HMGCLL1: variants seen among roughly 807,000 people sequenced by gnomAD.
HMGCLL1 encodes 3-hydroxy-3-methylglutaryl-CoA lyase like 1.
In HMGCLL1, 36 loss-of-function variants were observed where a neutral mutation model predicts 39.1. The ratio of observed to expected loss-of-function variants is 0.92; its 90% CI spans 0.71 to 1.22. The LOEUF is 1.22. HMGCLL1 is among the 50% of genes most tolerant of loss of function. The pLI, the probability that HMGCLL1 is intolerant of heterozygous loss-of-function variation, is 0.00. For missense variants in HMGCLL1, 451 were observed against 416.5 expected (o/e 1.08, Z -0.72); for synonymous variants, 149 against 144.0 (o/e 1.03, Z -0.25).
the HMGCLL1 span, among the ~76,000 whole-genome samples, chr6:55,661,476 C>A: frequency 6.6e-6 from 1 of 151,790 alleles, no homozygotes; most frequent in Non-Finnish European, 1.5e-5. Flanking sequence ...TGAGTTCTTT[C>A]CCCAGTGCTT....
At chr6:55,497,472 G>T (rs947342019) in intron 6 of HMGCLL1, among the ~76,000 whole-genome samples, 3 of 152,090 alleles carry the variant, frequency 2.0e-5, no homozygotes, top group Non-Finnish European at 1.5e-5. Flanking sequence ...CCTATTTTAT[G>T]GCAGGTGCTG....
the HMGCLL1 span, among the ~76,000 whole-genome samples, chr6:55,604,259 A>T: frequency 6.6e-6 from 1 of 152,198 alleles, no homozygotes; most frequent in African/African-American, 2.4e-5. Context: ...ATTCATCAGA[A>T]AACAAATATT....
intron 1 of HMGCLL1, among the ~76,000 whole-genome samples, chr6:55,544,429 A>G (rs2127460253): frequency 6.6e-6 from 1 of 152,282 alleles, no homozygotes; most frequent in Middle Eastern, 3.4e-3. Context: ...GGTAACCCAT[A>G]TTCAAGTTCT....
In HMGCLL1 at chr6:55,476,912, A is replaced by G. The variant is rs532074316; in HGVS notation, c.795+18507T>C. Among the ~76,000 whole-genome samples, 229 of 149,938 alleles carry G rather than the reference A, an allele frequency of 1.5e-3. 5 individuals are homozygous for G. The highest frequency in any genetic ancestry group is 5.4e-3 in the African/African-American group (218 of 40,516). ...GTGGAACTCAGAATGACTGCATCTA[A>G]CATCACACGGGGCCTCTACAACAAC... On this transcript the variant is annotated intron_variant, in intron 7 of 8. Coordinates refer to ENST00000274901, the MANE Select transcript of HMGCLL1 (RefSeq NM_001042406.2).
chr6:55,655,554 A>AGATAGATAGAT, the HMGCLL1 span, among the ~76,000 whole-genome samples: 2 of 151,624 alleles, frequency 1.3e-5, no homozygotes, highest in African/African-American at 4.8e-5. Flanking sequence ...ATAGATAGAT[A>AGATAGATAGAT]GATAGATAGA....
intron 3 of HMGCLL1, among the ~76,000 whole-genome samples, chr6:55,521,073 G>A (rs1340858683): frequency 6.6e-6 from 1 of 152,052 alleles, no homozygotes; most frequent in Non-Finnish European, 1.5e-5. Flanking sequence ...TAATTAAACT[G>A]GGATAGTTCA....
chr6:55,650,030 G>A, the HMGCLL1 span, among the ~76,000 whole-genome samples: 1 of 123,778 alleles, frequency 8.1e-6, no homozygotes, highest in Non-Finnish European at 1.7e-5. Context: ...CCTCAAAGCA[G>A]CTATTTTGAA....
At chr6:55,586,619 C>T in the HMGCLL1 span, among the ~76,000 whole-genome samples, 1,493 of 151,256 alleles carry the variant, frequency 9.9e-3, 24 homozygotes, top group African/African-American at 0.034. Flanking sequence ...TGTTCAATTC[C>T]CACCTATGAG....
At chr6:55,462,958 T>C (rs1764639808) in intron 7 of HMGCLL1, among the ~76,000 whole-genome samples, 1 of 151,934 alleles carries the variant, frequency 6.6e-6, no homozygotes, top group Non-Finnish European at 1.5e-5. Context: ...TGGAACAATA[T>C]GTAGGGTCAA....
intron 5 of HMGCLL1, among the ~76,000 whole-genome samples, chr6:55,510,597 C>T (rs1372276176): frequency 7.9e-6 from 1 of 125,808 alleles, no homozygotes; most frequent in Non-Finnish European, 1.6e-5. Context: ...ACAATGAGAA[C>T]ACATGGACAC....
intron 1 of HMGCLL1, among the ~76,000 whole-genome samples, chr6:55,543,187 T>TG (rs1769623338): frequency 7.9e-5 from 1 of 12,722 alleles, no homozygotes; most frequent in Non-Finnish European, 1.7e-4. Flanking sequence ...ATATAATATA[T>TG]AATATATTAT....
chr6:55,446,876 G>A (rs1347518872), intron 7 of HMGCLL1, among the ~76,000 whole-genome samples: 1 of 151,680 alleles, frequency 6.6e-6, no homozygotes, highest in Non-Finnish European at 1.5e-5. Context: ...ATTAGATCTG[G>A]ATTATTATTT....
the HMGCLL1 span, among the ~76,000 whole-genome samples, chr6:55,644,439 T>G: frequency 6.6e-6 from 1 of 152,018 alleles, no homozygotes; most frequent in East Asian, 1.9e-4. Flanking sequence ...TGATTGCCTG[T>G]GCTTGTGGGT....
chr6:55,461,265 T>A (rs778350977), intron 7 of HMGCLL1, among the ~76,000 whole-genome samples: 3 of 151,874 alleles, frequency 2.0e-5, no homozygotes, highest in Admixed American at 6.6e-5. Flanking sequence ...AAAGAAGAAA[T>A]ATGTGGAACC....
chr6:55,509,687 T>A (rs1378069858), intron 5 of HMGCLL1, among the ~76,000 whole-genome samples: 6 of 151,844 alleles, frequency 4.0e-5, no homozygotes. Flanking sequence ...TATATAGAGC[T>A]GAATCAGTTA....
the HMGCLL1 span, among the ~76,000 whole-genome samples, chr6:55,587,269 A>G: frequency 6.6e-6 from 1 of 151,850 alleles, no homozygotes; most frequent in East Asian, 1.9e-4. Context: ...AATTTGTTTG[A>G]GTTCTTTGTA....
chr6:55,606,323 C>T, the HMGCLL1 span, among the ~76,000 whole-genome samples: 2 of 151,946 alleles, frequency 1.3e-5, no homozygotes, highest in African/African-American at 4.8e-5. Flanking sequence ...GACAAATATC[C>T]CATTTAAGGT....
chr6:55,613,927 T>A, the HMGCLL1 span, among the ~76,000 whole-genome samples: 1 of 152,220 alleles, frequency 6.6e-6, no homozygotes, highest in East Asian at 1.9e-4. Flanking sequence ...ATCCCAGAAC[T>A]TAAAGTAAAA....
At chr6:55,650,090 C>CATATATATATATATATATATAT in the HMGCLL1 span, among the ~76,000 whole-genome samples, 5 of 52,284 alleles carry the variant, frequency 9.6e-5, no homozygotes, top group African/African-American at 2.0e-4. Flanking sequence ...CACACATATA[C>CATATATATATATATATATATAT]ATATATATAT....
Sources: gnomAD v4.1 joint callset for allele counts (sites outside exome capture counted in the v4.1 genomes callset) on GRCh38, gnomAD v4.1.1 for gene constraint, MANE v1.5 for transcripts, NCBI Gene and HGNC (gene_info 2026-07-23, HGNC 2026-07-21) for gene names.